Variants in C1orf198 observed in about 807,000 individuals in gnomAD.
C1orf198 encodes the protein uncharacterized protein C1orf198.
In C1orf198, 17 loss-of-function variants were observed where a neutral mutation model predicts 31.4. The ratio of observed to expected loss-of-function variants is 0.54; its 90% confidence interval spans 0.37 to 0.81. The LOEUF (loss-of-function observed/expected upper bound fraction) is 0.81. Ranked by LOEUF, C1orf198 falls within the 40% of genes least tolerant of loss-of-function variation. The pLI is 0.00. For missense variants in C1orf198, 401 were observed against 450.3 expected, an observed-to-expected ratio of 0.89 and a Z score of 0.99; for synonymous variants, 175 against 193.8, an observed-to-expected ratio of 0.90 and a Z score of 0.81.
intron 1 of C1orf198, among the ~76,000 whole-genome samples, chr1:230,859,892 C>T (rs1006416262): frequency 1.3e-5 from 2 of 152,104 alleles, no homozygotes; most frequent in Non-Finnish European, 2.9e-5. Flanking sequence ...TGCATCATAT[C>T]GCCAGCGTTT....
At position 230,839,201 on chromosome 1, in the gene C1orf198, C is replaced by CCAT. The variant is rs1669381859; in HGVS notation, c.*648_*650dup. ...CATGCAACTCTTTTTAAACAACAATCCATACTCTGAATATGTATCAGAGCA... is the reference window on the plus strand; with the variant it reads ...CATGCAACTCTTTTTAAACAACAATCCATCATACTCTGAATATGTATCAGAGCA... On this transcript the variant is annotated 3_prime_UTR_variant, in exon 4 of 4. Transcript: ENST00000366663. The CCAT allele has an allele frequency of 6.6e-6, 1 of 152,308 alleles. No homozygotes were observed. Among genetic ancestry groups the CCAT allele is most frequent in the African/African-American group, 2.4e-5 (1 of 41,454 alleles). 9.4% of individuals were successfully genotyped at this position (152,308 alleles called of 1,614,324 possible). A position where few individuals can be genotyped will look rare whatever the true frequency, so the allele number is the denominator to read the frequency against.
chr1:230,838,255 G>A lies in C1orf198; in HGVS notation c.*1597C>T, dbSNP rs113822959. ...TCACATATATCAACTATACTTAAAT[G>A]GTACAGAAAGAACCAATATTTGAAA... On this transcript the variant is annotated 3_prime_UTR_variant, in exon 4 of 4. Transcript: ENST00000366663. This position sits in a 1 kb window ranked among gnomAD's most constrained non-coding sequence, Gnocchi z 4.2. 8 of 152,250 alleles carry A rather than the reference G, an allele frequency of 5.3e-5. 1 individual carries two copies. Among genetic ancestry groups the A allele is most frequent in the African/African-American group, 1.9e-4 (8 of 41,546 alleles). 9.4% of individuals were successfully genotyped at this position (152,250 alleles called of 1,614,324 possible).
rs546465739 is a variant in C1orf198 at position 230,837,262 on chromosome 1, C to T, written c.*2590G>A. On this transcript the variant is annotated 3_prime_UTR_variant, in exon 4 of 4. Coordinates refer to ENST00000366663, the MANE Select transcript of C1orf198 (RefSeq NM_032800.3). ...AAAGGGAGGCTCTTCCTGAAATCCACACAGGGGGGTGCGGCTCAGACGGGT... is the reference window on the plus strand; with the variant it reads ...AAAGGGAGGCTCTTCCTGAAATCCATACAGGGGGGTGCGGCTCAGACGGGT... The T allele has an allele frequency of 6.5e-6, 1 of 152,770 alleles. No homozygotes were observed. The highest frequency in any genetic ancestry group is 1.9e-4 in the East Asian group (1 of 5,188). The allele number at this position is 152,770 out of a possible 1,614,324, so 9.5% of individuals were successfully genotyped here.
At chr1:230,844,822 G>A (rs1669544972) in intron 2 of C1orf198, among the ~76,000 whole-genome samples, 1 of 152,200 alleles carries the variant, frequency 6.6e-6, no homozygotes. Flanking sequence ...CCACATCTGA[G>A]CACCCACAAA....
At chr1:230,847,737 T>C (rs1572130289) in intron 2 of C1orf198, among the ~76,000 whole-genome samples, 2 of 152,222 alleles carry the variant, frequency 1.3e-5, no homozygotes, top group East Asian at 3.8e-4. Flanking sequence ...GGGATAGAGA[T>C]GATAGTTTCT....
intron 2 of C1orf198, among the ~76,000 whole-genome samples, chr1:230,845,624 G>A (rs1183854104): frequency 2.8e-5 from 4 of 144,494 alleles, no homozygotes; most frequent in East Asian, 4.3e-4. Flanking sequence ...TGGAGGTTGC[G>A]GTGAGCCAAG....
chr1:230,853,367 G>A (rs1669792369), intron 2 of C1orf198, among the ~76,000 whole-genome samples: 1 of 152,076 alleles, frequency 6.6e-6, no homozygotes, highest in African/African-American at 2.4e-5. Flanking sequence ...CCTCCTGTTT[G>A]TGGCTCTCCA....
chr1:230,855,909 C>G (rs1482308489), intron 1 of C1orf198, 191 bp from the exon 2 acceptor site: 23 of 1,351,550 alleles, frequency 1.7e-5, no homozygotes, highest in Admixed American at 3.2e-5. Flanking sequence ...TCATCTTTCC[C>G]GCTGAGGCTG....
intron 2 of C1orf198, among the ~76,000 whole-genome samples, chr1:230,845,960 T>C (rs75917887): frequency 6.6e-6 from 1 of 152,230 alleles, no homozygotes; most frequent in African/African-American, 2.4e-5. Context: ...TGTATGGTCA[T>C]GATAATCATT....
intron 2 of C1orf198, among the ~76,000 whole-genome samples, chr1:230,851,084 C>A (rs949216163): frequency 5.3e-5 from 8 of 152,064 alleles, no homozygotes; most frequent in Admixed American, 1.3e-4. Context: ...AGAGGAAGGG[C>A]CTGTGCTCAT....
intron 2 of C1orf198, among the ~76,000 whole-genome samples, chr1:230,846,508 T>C (rs1263934087): frequency 1.3e-5 from 2 of 152,240 alleles, no homozygotes; most frequent in Non-Finnish European, 2.9e-5. Context: ...GTCCTATACA[T>C]AGAGAGCGGC....
At chr1:230,867,979 A>C (rs1002459313) in intron 1 of C1orf198, among the ~76,000 whole-genome samples, 1 of 151,298 alleles carries the variant, frequency 6.6e-6, no homozygotes, top group African/African-American at 2.5e-5. Context: ...CCTCTCGGCG[A>C]TCTCTTAACC....
chr1:230,855,578 C>A, intron 2 of C1orf198, 90 bp downstream of exon 2: 1 of 1,433,854 alleles, frequency 7.0e-7, no homozygotes, highest in Non-Finnish European at 9.6e-7. Flanking sequence ...AGGGGGCTGT[C>A]TTCTGAGTCC....
Position 230,843,999 on chromosome 1 carries a change from C to A in C1orf198, c.385-103G>T. 1 of 1,192,218 alleles carries A rather than the reference C, an allele frequency of 8.4e-7. No individual in the cohort carries two copies. Among genetic ancestry groups the A allele is most frequent in the East Asian group, 2.4e-5 (1 of 41,568 alleles). 73.9% of individuals were successfully genotyped at this position (1,192,218 alleles called of 1,614,324 possible). A position where few individuals can be genotyped will look rare whatever the true frequency, so the allele number is the denominator to read the frequency against. On this transcript the variant is annotated intron_variant, in intron 2 of 3. Transcript: ENST00000366663. This position sits in a 1 kb window ranked among gnomAD's most constrained non-coding sequence, Gnocchi z 4.9. ...CACCCCTCCTCAGCATAAGGACGCA[C>A]ACCAGCCACACACGAGTTGTTGCCC...
chr1:230,841,138 C>A (rs911480791), intron 3 of C1orf198, among the ~76,000 whole-genome samples: 3 of 152,128 alleles, frequency 2.0e-5, no homozygotes, highest in Non-Finnish European at 4.4e-5. Context: ...GGGAACTGAG[C>A]CTGTCTGTAA....
rs1028286070 is a variant in C1orf198 at position 230,857,321 on chromosome 1, C to T, written c.334-1603G>A. Among the ~76,000 whole-genome samples the T allele has an allele frequency of 6.6e-6, 1 of 152,188 alleles. No homozygotes were observed. Among genetic ancestry groups the T allele is most frequent in the African/African-American group, 2.4e-5 (1 of 41,436 alleles). ...TATCCCAAGTGCCCGGAAGACTCAG[C>T]GACTGCCCGTAGCGGACGCTTACTC... On this transcript the variant is annotated intron_variant, in intron 1 of 3. Coordinates refer to ENST00000366663, the MANE Select transcript of C1orf198 (RefSeq NM_032800.3). This position sits in a 1 kb window ranked among gnomAD's most constrained non-coding sequence, Gnocchi z 4.2.
At chr1:230,861,133 G>T (rs1669995784) in intron 1 of C1orf198, among the ~76,000 whole-genome samples, 1 of 152,190 alleles carries the variant, frequency 6.6e-6, no homozygotes, top group Non-Finnish European at 1.5e-5. Context: ...CCCTCTGTAT[G>T]ATACCATCAT....
chr1:230,868,257 C>A lies in C1orf198; in HGVS notation c.256G>T (p.Gly86Trp). ...GPRAPAPRDP[G>W]DSEELTRFPG... ...AAGCGCGTGAGCTCCTCCGAGTCCC[C>A]GGGGTCTCGGGGCGCCGGGGCGCGC... Residue 86 changes from glycine to tryptophan, a missense_variant, in exon 1 of 4, where the codon GGG (glycine) becomes TGG (tryptophan). By Grantham distance (184) the Gly-to-Trp change is radical. Coordinates refer to ENST00000366663, the MANE Select transcript of C1orf198 (RefSeq NM_032800.3). 1 of 1,572,284 alleles carries A rather than the reference C, an allele frequency of 6.4e-7. No individual in the cohort carries two copies. Among genetic ancestry groups the A allele is most frequent in the East Asian group, 2.4e-5 (1 of 41,312 alleles).
At chr1:230,864,834 G>A (rs966455499) in intron 1 of C1orf198, among the ~76,000 whole-genome samples, 3 of 152,170 alleles carry the variant, frequency 2.0e-5, no homozygotes, top group Non-Finnish European at 4.4e-5. Flanking sequence ...TTGGGGGCAG[G>A]AGCAGGGAGG....
Sources: gnomAD v4.1 joint callset for allele counts (sites outside exome capture counted in the v4.1 genomes callset) on GRCh38, gnomAD v4.1.1 for gene constraint, Gnocchi (gnomAD v3.1) non-coding constraint, MANE v1.5 for transcripts, NCBI Gene and HGNC (gene_info 2026-07-23, HGNC 2026-07-21) for gene names.